Variants in DIAPH2 observed in about 807,000 individuals in gnomAD.
DIAPH2 encodes diaphanous related formin 2.
In DIAPH2, 35 loss-of-function variants were observed where a neutral mutation model predicts 92.7. That is an observed-to-expected ratio of 0.38 (90% confidence interval 0.29 to 0.50). DIAPH2 has a LOEUF of 0.50. DIAPH2 is among the 20% of genes least tolerant of loss of function. The pLI is 0.94. For missense variants in DIAPH2, 701 were observed against 819.5 expected (o/e 0.86, Z 1.77); for synonymous variants, 301 against 280.4 (o/e 1.07, Z -0.73).
chrX:96,887,691 A>G (rs1267994965), intron 5 of DIAPH2, among the ~76,000 whole-genome samples: 1 of 111,760 alleles, frequency 8.9e-6, no homozygotes, highest in East Asian at 2.8e-4. Context: ...GCTGAAAAAC[A>G]TAAGTTCTTA....
intron 23 of DIAPH2, among the ~76,000 whole-genome samples, chrX:97,258,867 T>C (rs1602457027): frequency 2.4e-5 from 1 of 42,509 alleles, no homozygotes; most frequent in East Asian, 5.2e-4. Context: ...CGAGACTCCG[T>C]CTCAAAAAAA....
chrX:97,051,409 C>T (rs11092133), intron 17 of DIAPH2, among the ~76,000 whole-genome samples: 39,296 of 108,931 alleles, frequency 0.36, 7,845 homozygotes, highest in African/African-American at 0.76. Flanking sequence ...TTGAAGTATT[C>T]TTAATTTTAT....
chrX:97,567,263 A>G (rs968749745), intron 26 of DIAPH2, among the ~76,000 whole-genome samples: 1 of 111,878 alleles, frequency 8.9e-6, no homozygotes, highest in African/African-American at 3.2e-5. Flanking sequence ...TTCCTTATAA[A>G]TCCTGACAAT....
At chrX:97,365,374 C>T (rs952620618) in intron 24 of DIAPH2, among the ~76,000 whole-genome samples, 3 of 111,522 alleles carry the variant, frequency 2.7e-5, no homozygotes, top group Non-Finnish European at 5.6e-5. Context: ...TTTTCTAAAA[C>T]GTAGGTTTCA....
intron 21 of DIAPH2, among the ~76,000 whole-genome samples, chrX:97,117,968 T>G (rs924965097): frequency 4.5e-5 from 5 of 111,483 alleles, no homozygotes; most frequent in Non-Finnish European, 7.5e-5. Flanking sequence ...TTGTTGTTTT[T>G]TTTTTCAGTA....
chrX:97,361,999 G>A (rs759914020), intron 24 of DIAPH2, among the ~76,000 whole-genome samples: 1 of 112,024 alleles, frequency 8.9e-6, no homozygotes, highest in South Asian at 3.7e-4. Context: ...CCAGCACTTT[G>A]GGAGGCCAAG....
chrX:96,741,967 A>T (rs1050961583), intron 3 of DIAPH2, among the ~76,000 whole-genome samples: 1 of 111,735 alleles, frequency 8.9e-6, no homozygotes, highest in Non-Finnish European at 1.9e-5. Context: ...TCAAATTTAC[A>T]TTCAACTTAG....
At chrX:97,144,290 C>T (rs1012875061) in intron 22 of DIAPH2, among the ~76,000 whole-genome samples, 1 of 111,357 alleles carries the variant, frequency 9.0e-6, no homozygotes, top group African/African-American at 3.3e-5. Context: ...CACCATTGCA[C>T]TCTAGCCTGG....
chrX:97,559,550 A>C (rs1402958229), intron 26 of DIAPH2, among the ~76,000 whole-genome samples: 2 of 111,061 alleles, frequency 1.8e-5, no homozygotes, highest in South Asian at 7.8e-4. Context: ...ACCACAACTC[A>C]CAGTCTTTAC....
At chrX:97,232,789 C>T (rs1349234568) in intron 22 of DIAPH2, among the ~76,000 whole-genome samples, 1 of 111,805 alleles carries the variant, frequency 8.9e-6, no homozygotes, top group Non-Finnish European at 1.9e-5. Context: ...GGTAGCTTTT[C>T]ATTTAACTCT....
intron 19 of DIAPH2, among the ~76,000 whole-genome samples, chrX:97,075,814 A>G (rs893973881): frequency 8.9e-6 from 1 of 111,967 alleles, no homozygotes; most frequent in Non-Finnish European, 1.9e-5. Context: ...TATTATTCTC[A>G]TTTTACAAAT....
intron 1 of DIAPH2, among the ~76,000 whole-genome samples, chrX:96,692,833 C>T (rs2063804931): frequency 8.9e-6 from 1 of 112,186 alleles, no homozygotes; most frequent in Admixed American, 9.5e-5. Flanking sequence ...TCACACCCCA[C>T]CACAACAACT....
intron 20 of DIAPH2, among the ~76,000 whole-genome samples, chrX:97,105,352 G>T (rs1422300091): frequency 1.2e-4 from 13 of 111,262 alleles, no homozygotes; most frequent in African/African-American, 4.2e-4. Flanking sequence ...CTTTTCCTCT[G>T]TCTAGAGACA....
chrX:97,291,585 T>C (rs1003510636), intron 23 of DIAPH2, among the ~76,000 whole-genome samples: 2 of 107,851 alleles, frequency 1.9e-5, no homozygotes, highest in African/African-American at 6.8e-5. Context: ...CAGGCTGGAG[T>C]GCAGTGGCGC....
chrX:96,853,815 A>T (rs1194972998), intron 4 of DIAPH2, among the ~76,000 whole-genome samples: 2 of 111,493 alleles, frequency 1.8e-5, no homozygotes, highest in Non-Finnish European at 3.8e-5. Context: ...CATTTTATTG[A>T]TTTTATTTTT....
chrX:97,516,039 GT>G (rs759536058), intron 26 of DIAPH2, among the ~76,000 whole-genome samples: 9 of 110,615 alleles, frequency 8.1e-5, no homozygotes, highest in Non-Finnish European at 1.5e-4. Context: ...GGATCATGAG[GT>G]CAGGAGTTCG....
chrX:97,454,259 G>A (rs182713824), intron 26 of DIAPH2, among the ~76,000 whole-genome samples: 2 of 111,507 alleles, frequency 1.8e-5, no homozygotes, highest in Admixed American at 1.9e-4. Context: ...AAGACTCACT[G>A]GAAGCACTAA....
chrX:97,018,066 T>A (rs1233130250), intron 17 of DIAPH2, among the ~76,000 whole-genome samples: 1 of 112,498 alleles, frequency 8.9e-6, no homozygotes, highest in African/African-American at 3.2e-5. Context: ...TTAATCTGAC[T>A]TATGCATTTA....
intron 17 of DIAPH2, among the ~76,000 whole-genome samples, chrX:97,008,472 T>C (rs1449812785): frequency 8.9e-6 from 1 of 111,769 alleles, no homozygotes; most frequent in Non-Finnish European, 1.9e-5. Context: ...TCTTGATTCT[T>C]ATGGATATTC....
Sources: allele counts gnomAD v4.1 joint callset (sites outside exome capture counted in the v4.1 genomes callset), GRCh38; gene constraint gnomAD v4.1.1; transcripts MANE v1.5; gene names NCBI Gene and HGNC (gene_info 2026-07-23, HGNC 2026-07-21).